Variants in ADAMTS17 observed in about 807,000 individuals in gnomAD.
ADAMTS17 encodes the protein ADAM metallopeptidase with thrombospondin type 1 motif 17, also known as A disintegrin and metalloproteinase with thrombospondin motifs 17.
In ADAMTS17, 113 loss-of-function variants were observed where a neutral mutation model predicts 141.5. That is an observed-to-expected ratio of 0.80 (90% CI 0.69 to 0.93). ADAMTS17 has a LOEUF of 0.93. Among genes scored for constraint, ADAMTS17 ranks in the 40% least tolerant of loss-of-function variants. The pLI, the probability that ADAMTS17 is intolerant of heterozygous loss-of-function variation, is 0.00. For missense variants in ADAMTS17, 1,659 were observed against 1,517.9 expected (o/e 1.09, Z -1.54); for synonymous variants, 768 against 630.6 (o/e 1.22, Z -3.27).
chr15:100,104,021 C>A (rs769001818), intron 14 of ADAMTS17, among the ~76,000 whole-genome samples: 1 of 152,152 alleles, frequency 6.6e-6, no homozygotes. Flanking sequence ...GATATGTATA[C>A]AAATTATGGT....
chr15:100,316,138 T>C (rs2045558777), intron 3 of ADAMTS17, among the ~76,000 whole-genome samples: 1 of 152,202 alleles, frequency 6.6e-6, no homozygotes, highest in South Asian at 2.1e-4. Context: ...TACTAGCATT[T>C]TGAGAGGGTT....
At chr15:100,207,970 G>T (rs2041643711) in intron 7 of ADAMTS17, among the ~76,000 whole-genome samples, 3 of 152,172 alleles carry the variant, frequency 2.0e-5, no homozygotes. Context: ...AGTTTTAAAA[G>T]ACTCTTATAA....
intron 7 of ADAMTS17, among the ~76,000 whole-genome samples, chr15:100,213,949 TC>T (rs988318032): frequency 1.3e-5 from 2 of 152,232 alleles, no homozygotes; most frequent in Non-Finnish European, 2.9e-5. Context: ...GCTCTTTTTT[TC>T]TCCTTTCTGA....
In ADAMTS17 at chr15:99,974,331, G is replaced by T; in HGVS notation, c.*71C>A. On this transcript the variant is annotated 3_prime_UTR_variant, in exon 22 of 22. Coordinates refer to ENST00000268070, the MANE Select transcript of ADAMTS17 (RefSeq NM_139057.4). Reference sequence around the variant, plus strand: ...CAGCCGGGTGGGGGCGTGGCCACAAGGCTGGTAGGCTTGCGGGTGGGTGGG... The same window carrying T: ...CAGCCGGGTGGGGGCGTGGCCACAATGCTGGTAGGCTTGCGGGTGGGTGGG... 1 of 1,604,794 alleles carries T rather than the reference G, an allele frequency of 6.2e-7. No homozygotes were observed.
At chr15:100,020,704 A>G (rs950318650) in intron 18 of ADAMTS17, among the ~76,000 whole-genome samples, 2 of 152,190 alleles carry the variant, frequency 1.3e-5, no homozygotes, top group African/African-American at 4.8e-5. Flanking sequence ...GTGAACTTGA[A>G]AAGAGGTTTC....
At chr15:100,043,869 C>G (rs764442520) in intron 18 of ADAMTS17, among the ~76,000 whole-genome samples, 4 of 152,402 alleles carry the variant, frequency 2.6e-5, no homozygotes, top group South Asian at 4.1e-4. Flanking sequence ...TGTGGTCCAT[C>G]AAGCCAGAAT....
chr15:100,217,759 A>G (rs2141761556), intron 7 of ADAMTS17, among the ~76,000 whole-genome samples: 1 of 152,380 alleles, frequency 6.6e-6, no homozygotes, highest in African/African-American at 2.4e-5. Flanking sequence ...AGGTTCCCAC[A>G]GTGGGAAATG....
intron 19 of ADAMTS17, among the ~76,000 whole-genome samples, chr15:99,995,831 G>C (rs974591808): frequency 6.6e-6 from 1 of 152,206 alleles, no homozygotes; most frequent in Non-Finnish European, 1.5e-5. Flanking sequence ...GAAGCATTTT[G>C]CTCAAGCCTG....
rs1255393632 is a variant in ADAMTS17 at position 100,221,766 on chromosome 15, T to C, written c.1076-22343A>G. Among the ~76,000 whole-genome samples, 5 of 152,292 alleles carry C rather than the reference T, an allele frequency of 3.3e-5. No homozygotes were observed. The East Asian group carries it at 9.7e-4, about 29-fold the overall frequency. On this transcript the variant is annotated intron_variant, in intron 7 of 21. Coordinates refer to ENST00000268070, the MANE Select transcript of ADAMTS17 (RefSeq NM_139057.4). The stretch of plus-strand genomic sequence containing the variant: ...GTTTGCCGGGTGGTCTGAGAGCTGG[T>C]GTGAAATTATCCAGAATTCCATTTA...
chr15:100,093,820 T>C (rs1172537877), intron 15 of ADAMTS17, among the ~76,000 whole-genome samples: 1 of 152,108 alleles, frequency 6.6e-6, no homozygotes, highest in Non-Finnish European at 1.5e-5. Context: ...GTGGGGACAA[T>C]AACTTATTTC....
intron 15 of ADAMTS17, among the ~76,000 whole-genome samples, chr15:100,063,301 G>A (rs1224996764): frequency 1.3e-5 from 2 of 152,176 alleles, no homozygotes; most frequent in Non-Finnish European, 2.9e-5. Flanking sequence ...AGCCCAATGG[G>A]GCTTCCTGCA....
chr15:100,222,306 G>A (rs759593344), intron 7 of ADAMTS17, among the ~76,000 whole-genome samples: 2 of 152,198 alleles, frequency 1.3e-5, no homozygotes, highest in Admixed American at 6.5e-5. Flanking sequence ...GCTGTGGATG[G>A]CTCTTAATAC....
chr15:100,261,486 C>A lies in ADAMTS17; in HGVS notation c.1024G>T (p.Val342Leu), dbSNP rs762150501. Residue 342 changes from valine to leucine, a missense_variant, in exon 6 of 22, where the codon GTG (valine) becomes TTG (leucine). Val to Leu is a conservative substitution (Grantham distance 32). Coordinates refer to ENST00000268070, the MANE Select transcript of ADAMTS17 (RefSeq NM_139057.4). ...GGCCAAATCCCATCTTACCTGGTCA[C>A]AAACACGGCAGCATCCACCAGGGGC... Reference protein sequence around the residue: ...DPPLVDAAVFVTRTDFCVHKD... With the variant: ...DPPLVDAAVFLTRTDFCVHKD... 2.5e-6 allele frequency: 4 copies of A among 1,614,130 alleles called. No individual in the cohort carries two copies. In the South Asian group the frequency reaches 4.4e-5, roughly 18 times the overall value.
intron 4 of ADAMTS17, among the ~76,000 whole-genome samples, chr15:100,266,339 G>A (rs1323104844): frequency 6.6e-6 from 1 of 152,208 alleles, no homozygotes; most frequent in African/African-American, 2.4e-5. Context: ...ACCCACAACT[G>A]CAGGGCCAGA....
intron 7 of ADAMTS17, among the ~76,000 whole-genome samples, chr15:100,226,532 A>T (rs2042319012): frequency 6.6e-6 from 1 of 152,244 alleles, no homozygotes; most frequent in African/African-American, 2.4e-5. Context: ...CGTGATATGG[A>T]CACATGCAGA....
At chr15:100,180,102 A>G (rs1418607245) in intron 8 of ADAMTS17, among the ~76,000 whole-genome samples, 1 of 152,216 alleles carries the variant, frequency 6.6e-6, no homozygotes, top group Non-Finnish European at 1.5e-5. Flanking sequence ...ATCTTTGCCC[A>G]GACCACTGTC....
chr15:99,977,400 A>AT lies in ADAMTS17; in HGVS notation c.2950-1179_2950-1178insA, dbSNP rs1491361858. ...TATATATATATATATATATATATATAATTTTTTTTTTTTTTTTTTTTTTTT... is the reference window on the plus strand; with the variant it reads ...TATATATATATATATATATATATATATATTTTTTTTTTTTTTTTTTTTTTTT... On this transcript the variant is annotated intron_variant, in intron 20 of 21. Coordinates refer to ENST00000268070, the MANE Select transcript of ADAMTS17 (RefSeq NM_139057.4). 8.9e-3 allele frequency among the ~76,000 whole-genome samples: 42 copies of AT among 4,716 alleles called. 1 individual carries two copies. The highest frequency in any genetic ancestry group is 0.013 in the African/African-American group (21 of 1,592). 3.1% of individuals were successfully genotyped at this position (4,716 alleles called of 152,430 possible).
At chr15:100,007,448 T>G (rs1399475059) in intron 18 of ADAMTS17, among the ~76,000 whole-genome samples, 4 of 151,908 alleles carry the variant, frequency 2.6e-5, no homozygotes, top group Admixed American at 2.6e-4. Flanking sequence ...GAGATGGAGT[T>G]TCGCTGTTGT....
chr15:100,151,963 C>G (rs1333141662), intron 10 of ADAMTS17, among the ~76,000 whole-genome samples: 2 of 152,154 alleles, frequency 1.3e-5, no homozygotes, highest in Admixed American at 1.3e-4. Flanking sequence ...ACTAACAAAG[C>G]CTTTTTCAAT....
Sources: gnomAD v4.1 joint callset for allele counts (sites outside exome capture counted in the v4.1 genomes callset) on GRCh38, gnomAD v4.1.1 for gene constraint, MANE v1.5 for transcripts, NCBI Gene and HGNC (gene_info 2026-07-23, HGNC 2026-07-21) for gene names.